LINGO2: variants seen among roughly 807,000 people sequenced by gnomAD.
LINGO2 encodes leucine rich repeat and Ig domain containing 2, also known as leucine-rich repeat and immunoglobulin-like domain-containing nogo receptor-interacting protein 2.
Under a neutral mutation model 30.6 loss-of-function variants are expected in LINGO2, and 14 were observed. The observed-to-expected ratio is 0.46, with a 90% confidence interval of 0.30 to 0.72. The LOEUF (loss-of-function observed/expected upper bound fraction) is 0.72. Among genes scored for constraint, LINGO2 ranks in the 30% least tolerant of loss-of-function variants. The pLI is 0.07. For missense variants in LINGO2, 729 were observed against 751.7 expected (o/e 0.97, Z 0.35); for synonymous variants, 317 against 288.5 (o/e 1.10, Z -1.00).
the LINGO2 span, among the ~76,000 whole-genome samples, chr9:28,770,679 A>G: frequency 2.0e-3 from 300 of 152,292 alleles, 1 homozygote; most frequent in Non-Finnish European, 3.2e-3. Context: ...ACTATAAATC[A>G]CCATCAAGAT....
chr9:28,368,723 A>T (rs1820779159), intron 3 of LINGO2, among the ~76,000 whole-genome samples: 1 of 151,602 alleles, frequency 6.6e-6, no homozygotes, highest in Non-Finnish European at 1.5e-5. Context: ...CAGCCTCGCG[A>T]GTAGCTGGGA....
At chr9:28,402,748 TC>T (rs1186428362) in intron 2 of LINGO2, among the ~76,000 whole-genome samples, 13 of 151,986 alleles carry the variant, frequency 8.6e-5, no homozygotes, top group Non-Finnish European at 1.8e-4. Flanking sequence ...GACAACCCTT[TC>T]CCCCACTATA....
chr9:28,591,923 A>G (rs759933727), intron 1 of LINGO2, among the ~76,000 whole-genome samples: 1 of 152,036 alleles, frequency 6.6e-6, no homozygotes, highest in Non-Finnish European at 1.5e-5. Flanking sequence ...GGGCTTCACA[A>G]TGAGCTTCCT....
At chr9:28,823,020 C>T in the LINGO2 span, among the ~76,000 whole-genome samples, 3 of 152,148 alleles carry the variant, frequency 2.0e-5, no homozygotes, top group Admixed American at 6.6e-5. Flanking sequence ...GCTTAATTCT[C>T]ATATCAATGA....
At chr9:28,910,608 G>T in the LINGO2 span, among the ~76,000 whole-genome samples, 1 of 151,992 alleles carries the variant, frequency 6.6e-6, no homozygotes, top group Non-Finnish European at 1.5e-5. Context: ...TTGTTTGAAA[G>T]TGTGTAGCAC....
intron 4 of LINGO2, among the ~76,000 whole-genome samples, chr9:28,065,683 G>A (rs1189899557): frequency 6.6e-6 from 1 of 151,992 alleles, no homozygotes; most frequent in Non-Finnish European, 1.5e-5. Context: ...AGGAATCCGG[G>A]GTCTGCATGG....
chr9:28,999,521 C>G, the LINGO2 span, among the ~76,000 whole-genome samples: 2 of 151,886 alleles, frequency 1.3e-5, no homozygotes, highest in African/African-American at 4.8e-5. Context: ...ACTATTCATT[C>G]TATAACTAAT....
At chr9:28,371,293 T>A (rs957227292) in intron 3 of LINGO2, among the ~76,000 whole-genome samples, 8 of 152,232 alleles carry the variant, frequency 5.3e-5, no homozygotes, top group African/African-American at 1.9e-4. Flanking sequence ...TAGTTTGTTC[T>A]AGCTGCTTTA....
the LINGO2 span, among the ~76,000 whole-genome samples, chr9:28,891,523 T>C: frequency 1.3e-5 from 2 of 151,894 alleles, no homozygotes; most frequent in Admixed American, 6.6e-5. Flanking sequence ...TAACCCATTA[T>C]AATCCTGAAA....
At chr9:27,947,951 A>C (rs901631278), downstream of LINGO2, 1 of 152,330 alleles carries the variant, frequency 6.6e-6, no homozygotes, top group South Asian at 2.1e-4. Context: ...AATCATTTTC[A>C]TTATTAACAC....
At chr9:28,894,231 T>C in the LINGO2 span, among the ~76,000 whole-genome samples, 8 of 152,170 alleles carry the variant, frequency 5.3e-5, no homozygotes, top group African/African-American at 9.7e-5. Flanking sequence ...TGTGTCTTTA[T>C]AGCAGCATGA....
chr9:29,180,858 A>G, the LINGO2 span, among the ~76,000 whole-genome samples: 1 of 152,232 alleles, frequency 6.6e-6, no homozygotes, highest in African/African-American at 2.4e-5. Flanking sequence ...AAGGGAAGAA[A>G]TGAAAGAAAG....
chr9:28,840,206 C>T, the LINGO2 span, among the ~76,000 whole-genome samples: 1 of 151,766 alleles, frequency 6.6e-6, no homozygotes, highest in Non-Finnish European at 1.5e-5. Context: ...GCACCCAGGA[C>T]GGTGGGTCTC....
chr9:28,135,150 G>GA (rs1294155580), intron 4 of LINGO2, among the ~76,000 whole-genome samples: 1 of 151,868 alleles, frequency 6.6e-6, no homozygotes, highest in East Asian at 1.9e-4. Context: ...ACAATCTCAA[G>GA]AAAAAAATCA....
At chr9:28,511,728 T>C (rs915328963) in intron 1 of LINGO2, among the ~76,000 whole-genome samples, 1 of 152,206 alleles carries the variant, frequency 6.6e-6, no homozygotes, top group African/African-American at 2.4e-5. Flanking sequence ...TCCAAGTCCC[T>C]GAACATCCAG....
chr9:28,024,863 G>A (rs548222934), intron 4 of LINGO2, among the ~76,000 whole-genome samples: 2 of 152,246 alleles, frequency 1.3e-5, no homozygotes, highest in African/African-American at 4.8e-5. Context: ...TATCTCCCCA[G>A]CCGCGACAAT....
At chr9:28,718,021 A>G in the LINGO2 span, among the ~76,000 whole-genome samples, 1 of 152,040 alleles carries the variant, frequency 6.6e-6, no homozygotes, top group Non-Finnish European at 1.5e-5. Context: ...TAGATTCCTT[A>G]TAAATCAACA....
At chr9:28,886,993 G>C in the LINGO2 span, among the ~76,000 whole-genome samples, 3 of 152,140 alleles carry the variant, frequency 2.0e-5, no homozygotes, top group African/African-American at 4.8e-5. Context: ...ATGTTCCCCA[G>C]TGGGTTGACC....
At chr9:28,802,617 G>A in the LINGO2 span, among the ~76,000 whole-genome samples, 1 of 151,944 alleles carries the variant, frequency 6.6e-6, no homozygotes, top group East Asian at 1.9e-4. Flanking sequence ...TGGCAATTAG[G>A]AAATTATGTT....
Sources: gnomAD v4.1 joint callset for allele counts (sites outside exome capture counted in the v4.1 genomes callset) on GRCh38, gnomAD v4.1.1 for gene constraint, MANE v1.5 for transcripts, NCBI Gene and HGNC (gene_info 2026-07-23, HGNC 2026-07-21) for gene names.